Variants in ANKRD11 observed in about 807,000 individuals in gnomAD.
ANKRD11 encodes the protein ankyrin repeat domain 11, also known as ankyrin repeat domain-containing protein 11.
ANKRD11 carries 17 observed loss-of-function variants against 195.7 expected under a neutral mutation model. The observed-to-expected ratio is 0.09, with a 90% CI of 0.06 to 0.13. The LOEUF (loss-of-function observed/expected upper bound fraction) is 0.13, where lower values mean the gene tolerates loss of function less well. ANKRD11 is among the 10% of genes least tolerant of loss of function. The pLI is 1.00. For missense variants in ANKRD11, 3,735 were observed against 3,566.1 expected, an observed-to-expected ratio of 1.05 and a Z score of -1.21; for synonymous variants, 1,953 against 1,528.1, an observed-to-expected ratio of 1.28 and a Z score of -6.49.
At chr16:89,430,977 G>A (rs963676176) in intron 1 of ANKRD11, among the ~76,000 whole-genome samples, 3 of 151,958 alleles carry the variant, frequency 2.0e-5, no homozygotes, top group Non-Finnish European at 4.4e-5. Flanking sequence ...AAACAGAAAC[G>A]GCCACTCCAG....
At chr16:89,306,378 A>AC (rs1481262233) in intron 3 of ANKRD11, among the ~76,000 whole-genome samples, 1 of 41,696 alleles carries the variant, frequency 2.4e-5, no homozygotes, top group Non-Finnish European at 4.4e-5. Context: ...GACACGCGCC[A>AC]CTTACCTCCC....
chr16:89,480,677 C>T (rs1415079978), intron 1 of ANKRD11, among the ~76,000 whole-genome samples: 2 of 152,094 alleles, frequency 1.3e-5, no homozygotes, highest in Non-Finnish European at 2.9e-5. Flanking sequence ...CCTCCAAAAT[C>T]TCTAACCCCC....
chr16:89,422,761 T>G, intron 1 of ANKRD11, among the ~76,000 whole-genome samples: 1 of 152,228 alleles, frequency 6.6e-6, no homozygotes, highest in East Asian at 1.9e-4. Flanking sequence ...AGTTCAAGAT[T>G]GCTCATGTTT....
Position 89,281,451 on chromosome 16 carries a change from C to G in ANKRD11, c.5091G>C (p.Gln1697His), listed in dbSNP as rs1334140927. The G allele has an allele frequency of 1.2e-6, 2 of 1,613,774 alleles. No homozygotes were observed. Among genetic ancestry groups the G allele is most frequent in the East Asian group, 2.2e-5 (1 of 44,870 alleles). The change falls in exon 9 of 13, where the codon CAG (glutamine) becomes CAC (histidine). Residue 1697 changes from glutamine to histidine, a missense_variant. By Grantham distance (24) the Gln-to-His change is conservative. Transcript: ENST00000301030. This position sits in a 1 kb window ranked among gnomAD's most constrained non-coding sequence, Gnocchi z 5.5. ...EVLPASPRPD[Q>H]SRPTGVPTPT... ...GGGTGGGCACGCCAGTGGGCCGGCT[C>G]TGGTCAGGCCTGGGGGACGCAGGCA...
At chr16:89,428,990 C>G (rs955834283) in intron 1 of ANKRD11, among the ~76,000 whole-genome samples, 1 of 152,012 alleles carries the variant, frequency 6.6e-6, no homozygotes, top group Non-Finnish European at 1.5e-5. Flanking sequence ...TTGTACAGCC[C>G]AACATCTAAG....
chr16:89,422,480 T>C (rs1014365426), intron 1 of ANKRD11, among the ~76,000 whole-genome samples: 3 of 152,176 alleles, frequency 2.0e-5, no homozygotes, highest in Non-Finnish European at 4.4e-5. Context: ...GACTGAGGCA[T>C]CCTACCGGAC....
At position 89,282,978 on chromosome 16, in the gene ANKRD11, T is replaced by A; in HGVS notation, c.3564A>T (p.Arg1188=). 2 of 1,613,688 alleles carry A rather than the reference T, an allele frequency of 1.2e-6. No homozygotes were observed. Among genetic ancestry groups the A allele is most frequent in the South Asian group, 1.1e-5 (1 of 91,080 alleles). The change falls in exon 9 of 13, where the codon CGA becomes CGT. Residue 1188 remains arginine, a synonymous_variant. Coordinates refer to ENST00000301030, the MANE Select transcript of ANKRD11 (RefSeq NM_013275.6). ...TGTCTCTCCCCGCGTCGGCAGCCCC[T>A]CGGTCCTTTCTCCTGTCTCTGGGCT... is the stretch of plus-strand genomic sequence containing the variant. ...DKEPRDRRKD[R]GAADAGRDKK...
In ANKRD11 at chr16:89,303,916, G is replaced by A. The variant is rs563367671; in HGVS notation, c.226+1290C>T. 3.9e-4 allele frequency among the ~76,000 whole-genome samples: 60 copies of A among 152,248 alleles called. 1 individual carries two copies. The highest frequency in any genetic ancestry group is 1.4e-3 in the African/African-American group (58 of 41,538). ...ACTTCCCCCATCTGCTCTCAAGCCC[G>A]CATCCTGGCACAGCCTCTACGCCTT... On this transcript the variant is annotated intron_variant, in intron 4 of 12. Coordinates refer to ENST00000301030, the MANE Select transcript of ANKRD11 (RefSeq NM_013275.6).
intron 1 of ANKRD11, among the ~76,000 whole-genome samples, chr16:89,424,610 T>C (rs1004052185): frequency 1.3e-5 from 2 of 151,938 alleles, no homozygotes; most frequent in African/African-American, 4.8e-5. Flanking sequence ...GAGCGAACAT[T>C]ACGCTGAGCA....
intron 2 of ANKRD11, among the ~76,000 whole-genome samples, chr16:89,349,133 GT>G (rs1311933000): frequency 1.3e-3 from 2 of 1,574 alleles, no homozygotes; most frequent in African/African-American, 8.8e-3. Context: ...GTCTCAAAAA[GT>G]AAAAAAAAAA....
chr16:89,396,079 G>C (rs1010448412), intron 2 of ANKRD11: 5 of 152,184 alleles, frequency 3.3e-5, no homozygotes, highest in Admixed American at 6.5e-5. Context: ...ATGAAGGAAA[G>C]ACAGCTGCAA....
intron 1 of ANKRD11, among the ~76,000 whole-genome samples, chr16:89,456,734 T>C (rs918237308): frequency 6.6e-6 from 1 of 152,142 alleles, no homozygotes; most frequent in African/African-American, 2.4e-5. Context: ...ATATATTATA[T>C]GAACTCATTC....
intron 1 of ANKRD11, among the ~76,000 whole-genome samples, chr16:89,455,486 TGGG>T (rs909327628): frequency 6.6e-6 from 1 of 152,036 alleles, no homozygotes; most frequent in African/African-American, 2.4e-5. Flanking sequence ...ACACACCAGG[TGGG>T]GATGTCACTG....
At chr16:89,430,151 C>T (rs1414382833) in intron 1 of ANKRD11, among the ~76,000 whole-genome samples, 2 of 106,044 alleles carry the variant, frequency 1.9e-5, no homozygotes, top group Non-Finnish European at 3.9e-5. Flanking sequence ...TCTCAACTCT[C>T]GCGCTCAGTC....
At chr16:89,302,572 G>T (rs144149878) in intron 4 of ANKRD11, among the ~76,000 whole-genome samples, 1 of 152,074 alleles carries the variant, frequency 6.6e-6, no homozygotes, top group African/African-American at 2.4e-5. Context: ...ACTTTAAGAG[G>T]GTCCTGGTTA....
chr16:89,364,822 T>C (rs1432318885), intron 2 of ANKRD11, among the ~76,000 whole-genome samples: 1 of 152,174 alleles, frequency 6.6e-6, no homozygotes, highest in Non-Finnish European at 1.5e-5. Context: ...AGTGGAAGCT[T>C]GCTCAGCACC....
chr16:89,307,682 G>A (rs2036370815), intron 3 of ANKRD11, among the ~76,000 whole-genome samples: 1 of 152,258 alleles, frequency 6.6e-6, no homozygotes, highest in Admixed American at 6.5e-5. Flanking sequence ...CCGCCTGGCT[G>A]CAGCTCCACT....
intron 2 of ANKRD11, among the ~76,000 whole-genome samples, chr16:89,348,113 G>A (rs1051412673): frequency 1.3e-5 from 2 of 151,728 alleles, no homozygotes; most frequent in Non-Finnish European, 2.9e-5. Context: ...TGTATTTTTT[G>A]TACAGATAGG....
rs905348684 is a variant in ANKRD11 at position 89,305,439 on chromosome 16, T to C, written c.88-95A>G. ...CATATGCCAGGAGAAGCGCATCTCTTATTTGGGCAATGAACACCCTCCCTG... is the reference window on the plus strand; with the variant it reads ...CATATGCCAGGAGAAGCGCATCTCTCATTTGGGCAATGAACACCCTCCCTG... On this transcript the variant is annotated intron_variant, in intron 3 of 12. Transcript: ENST00000301030. The C allele has an allele frequency of 1.9e-6, 3 of 1,545,428 alleles. No homozygotes were observed. In the African/African-American group the frequency reaches 4.1e-5, roughly 21 times the overall value.
Sources: allele counts gnomAD v4.1 joint callset (sites outside exome capture counted in the v4.1 genomes callset), GRCh38; gene constraint gnomAD v4.1.1; non-coding constraint Gnocchi (gnomAD v3.1); transcripts MANE v1.5; gene names NCBI Gene and HGNC (gene_info 2026-07-23, HGNC 2026-07-21).